Variants in HS6ST3 observed in about 807,000 individuals in gnomAD.
The protein encoded by HS6ST3 is heparan sulfate 6-O-sulfotransferase 3.
HS6ST3 carries 12 observed loss-of-function variants against 36.7 expected under a neutral mutation model. The ratio of observed to expected loss-of-function variants is 0.33; its 90% CI spans 0.21 to 0.53. The LOEUF (loss-of-function observed/expected upper bound fraction) is 0.53. Among genes scored for constraint, HS6ST3 ranks in the 20% least tolerant of loss-of-function variants. The pLI is 0.95. For missense variants in HS6ST3, 584 were observed against 640.9 expected (o/e 0.91, Z 0.96); for synonymous variants, 240 against 257.5 (o/e 0.93, Z 0.65).
At chr13:96,335,755 G>C (rs1022189214) in intron 1 of HS6ST3, among the ~76,000 whole-genome samples, 1 of 151,958 alleles carries the variant, frequency 6.6e-6, no homozygotes, top group Non-Finnish European at 1.5e-5. Context: ...CGGCCTTCAG[G>C]GTCCTCGTTG....
At chr13:96,542,841 C>G (rs2389698) in intron 1 of HS6ST3, among the ~76,000 whole-genome samples, 492 of 152,284 alleles carry the variant, frequency 3.2e-3, no homozygotes, top group Non-Finnish European at 6.0e-3. Flanking sequence ...TGCCCCATCT[C>G]AGTCCATCTT....
chr13:96,236,181 C>A (rs2054533669), intron 1 of HS6ST3, among the ~76,000 whole-genome samples: 1 of 152,138 alleles, frequency 6.6e-6, no homozygotes, highest in South Asian at 2.1e-4. Flanking sequence ...TCTAGTCATG[C>A]TGTTATGCTG....
intron 1 of HS6ST3, among the ~76,000 whole-genome samples, chr13:96,399,675 G>C (rs2055439419): frequency 6.6e-6 from 1 of 152,270 alleles, no homozygotes; most frequent in Admixed American, 6.5e-5. Context: ...TGCCAGATCT[G>C]AGGTGGGGCT....
chr13:96,619,602 C>T (rs903299190), intron 1 of HS6ST3, among the ~76,000 whole-genome samples: 1 of 152,090 alleles, frequency 6.6e-6, no homozygotes, highest in African/African-American at 2.4e-5. Context: ...TATGATTGAA[C>T]AGAAAGTTTC....
chr13:96,171,491 T>C (rs2054187525), intron 1 of HS6ST3, among the ~76,000 whole-genome samples: 1 of 152,172 alleles, frequency 6.6e-6, no homozygotes, highest in Admixed American at 6.5e-5. Context: ...TATCGGGATA[T>C]ATTTTCTTTG....
intron 1 of HS6ST3, among the ~76,000 whole-genome samples, chr13:96,547,878 T>C (rs1010407514): frequency 1.4e-5 from 2 of 146,762 alleles, no homozygotes; most frequent in South Asian, 2.2e-4. Flanking sequence ...CCCGATAATC[T>C]TTTTTTTTTT....
At chr13:96,234,277 G>T (rs867801597) in intron 1 of HS6ST3, among the ~76,000 whole-genome samples, 2 of 152,034 alleles carry the variant, frequency 1.3e-5, no homozygotes, top group African/African-American at 4.8e-5. Flanking sequence ...GGGCATGGTG[G>T]CACGTGCCTG....
At chr13:96,170,119 GATAAT>G (rs1316626460) in intron 1 of HS6ST3, among the ~76,000 whole-genome samples, 2 of 152,188 alleles carry the variant, frequency 1.3e-5, no homozygotes, top group South Asian at 2.1e-4. Context: ...AATCCACACT[GATAAT>G]ATAAGTGTTT....
At chr13:96,117,872 C>CT (rs758866628) in intron 1 of HS6ST3, among the ~76,000 whole-genome samples, 314 of 142,508 alleles carry the variant, frequency 2.2e-3, no homozygotes, top group African/African-American at 4.4e-3. Flanking sequence ...TAGAATGTGA[C>CT]TTTTTTTTTT....
intron 1 of HS6ST3, among the ~76,000 whole-genome samples, chr13:96,456,340 T>C (rs2055754551): frequency 1.3e-5 from 2 of 152,190 alleles, no homozygotes; most frequent in Admixed American, 6.5e-5. Flanking sequence ...AATCAGAACA[T>C]GCATTTTCTA....
At chr13:96,544,062 G>A (rs1350138830) in intron 1 of HS6ST3, among the ~76,000 whole-genome samples, 3 of 151,988 alleles carry the variant, frequency 2.0e-5, no homozygotes, top group Non-Finnish European at 2.9e-5. Flanking sequence ...AAGGGCATCA[G>A]TAGACCATGA....
At chr13:96,372,031 C>A (rs1051163949) in intron 1 of HS6ST3, among the ~76,000 whole-genome samples, 14 of 152,104 alleles carry the variant, frequency 9.2e-5, no homozygotes, top group African/African-American at 3.1e-4. Flanking sequence ...TATGATATTT[C>A]TATTTTTAAT....
intron 1 of HS6ST3, among the ~76,000 whole-genome samples, chr13:96,427,775 C>T (rs1217926218): frequency 6.6e-6 from 1 of 152,086 alleles, no homozygotes; most frequent in Non-Finnish European, 1.5e-5. Flanking sequence ...TCCAGGATCC[C>T]ACATTGCATT....
At chr13:96,804,159 A>G (rs1381212503) in intron 1 of HS6ST3, among the ~76,000 whole-genome samples, 1 of 152,072 alleles carries the variant, frequency 6.6e-6, no homozygotes. Flanking sequence ...AAAAAAAAAA[A>G]AGAAAAAGGC....
intron 1 of HS6ST3, among the ~76,000 whole-genome samples, chr13:96,476,711 G>A (rs1594788662): frequency 6.6e-6 from 1 of 152,226 alleles, no homozygotes; most frequent in East Asian, 1.9e-4. Context: ...CGTCGCTTGT[G>A]TTGCTTACTT....
intron 1 of HS6ST3, among the ~76,000 whole-genome samples, chr13:96,143,363 C>A (rs569820008): frequency 6.7e-6 from 1 of 150,090 alleles, no homozygotes; most frequent in Non-Finnish European, 1.5e-5. Context: ...CTTGAAACTA[C>A]CTTGTCTGTT....
At chr13:96,189,504 A>T (rs764878998) in intron 1 of HS6ST3, among the ~76,000 whole-genome samples, 1 of 152,054 alleles carries the variant, frequency 6.6e-6, no homozygotes, top group Non-Finnish European at 1.5e-5. Context: ...GTTATTTGAC[A>T]TGGAATTTGT....
At chr13:96,399,942 G>C (rs2055441032) in intron 1 of HS6ST3, among the ~76,000 whole-genome samples, 1 of 152,114 alleles carries the variant, frequency 6.6e-6, no homozygotes, top group African/African-American at 2.4e-5. Context: ...CGTCAGTCCT[G>C]GGACCCTCTG....
At chr13:96,782,076 C>A (rs1463457487) in intron 1 of HS6ST3, among the ~76,000 whole-genome samples, 1 of 152,154 alleles carries the variant, frequency 6.6e-6, no homozygotes, top group Non-Finnish European at 1.5e-5. Flanking sequence ...GATATATTTG[C>A]ATCTGAAATT....
Sources: allele counts gnomAD v4.1 joint callset (sites outside exome capture counted in the v4.1 genomes callset), GRCh38; gene constraint gnomAD v4.1.1; transcripts MANE v1.5; gene names NCBI Gene and HGNC (gene_info 2026-07-23, HGNC 2026-07-21).